The following NFIB variants were observed in gnomAD, a reference collection of about 807,000 sequenced individuals.
NFIB encodes the protein nuclear factor 1 B-type.
In NFIB, 11 loss-of-function variants were observed where a neutral mutation model predicts 61.5. The observed-to-expected ratio is 0.18, with a 90% CI of 0.11 to 0.30. The LOEUF (loss-of-function observed/expected upper bound fraction) is 0.30. Ranked by LOEUF, NFIB falls within the 10% of genes least tolerant of loss-of-function variation. NFIB has a pLI of 1.00. For synonymous variants in NFIB, 260 were observed against 216.5 expected (o/e 1.20, Z -1.76); for missense variants, 471 against 608.9 (o/e 0.77, Z 2.38).
the NFIB span, among the ~76,000 whole-genome samples, chr9:14,422,218 G>A: frequency 6.6e-6 from 1 of 152,312 alleles, no homozygotes; most frequent in East Asian, 1.9e-4. Context: ...GTCTCAGACT[G>A]TCAGATCCTT....
At chr9:14,192,268 A>G (rs898195034) in intron 2 of NFIB, among the ~76,000 whole-genome samples, 2 of 152,236 alleles carry the variant, frequency 1.3e-5, no homozygotes, top group African/African-American at 4.8e-5. Context: ...GCCATGACAG[A>G]AATGTATAAA....
At chr9:14,482,891 G>T in the NFIB span, among the ~76,000 whole-genome samples, 1 of 152,106 alleles carries the variant, frequency 6.6e-6, no homozygotes, top group Non-Finnish European at 1.5e-5. Flanking sequence ...CAAAATAAAG[G>T]ACTTTTTATT....
chr9:14,280,736 C>G lies in NFIB; in HGVS notation c.562+26253G>C, dbSNP rs980048444. 2.0e-5 allele frequency among the ~76,000 whole-genome samples: 3 copies of G among 152,078 alleles called. No individual in the cohort carries two copies. In the East Asian group the frequency reaches 5.8e-4, roughly 29 times the overall value. ...GGTGTCTGTGGTTCCTTGGAGGATG[C>G]ACCTATTTTGTAAATAATGAAATTT... On this transcript the variant is annotated intron_variant, in intron 2 of 10. Transcript: ENST00000380953.
rs541331905 is a variant in NFIB at position 14,374,910 on chromosome 9, AAAAT to A, written c.108+23610_108+23613del. On this transcript the variant is annotated intron_variant, in intron 1 of 8. Transcript: ENST00000380934. ...GGGCAACAGAGCTAGACTCTGTCTC[AAAAT>A]AAATAAATAAATAAATAAATAAAGG... Among the ~76,000 whole-genome samples, 723 of 152,080 alleles carry A rather than the reference AAAAT, an allele frequency of 4.8e-3. 6 individuals carry two copies. The highest frequency in any genetic ancestry group is 0.016 in the African/African-American group (655 of 41,512).
the NFIB span, among the ~76,000 whole-genome samples, chr9:14,442,157 G>A: frequency 1.8e-4 from 28 of 152,102 alleles, no homozygotes; most frequent in Non-Finnish European, 3.8e-4. Context: ...CTAACTCTGG[G>A]TCCACCTCGC....
At chr9:14,429,203 C>T in the NFIB span, among the ~76,000 whole-genome samples, 5 of 152,132 alleles carry the variant, frequency 3.3e-5, no homozygotes, top group African/African-American at 1.2e-4. Context: ...GTACAAAGAA[C>T]ATAGAACAAA....
chr9:14,481,201 A>ATATATATATATATATATG, the NFIB span, among the ~76,000 whole-genome samples: 4 of 41,090 alleles, frequency 9.7e-5, 1 homozygote, highest in African/African-American at 3.0e-4. Context: ...GTGTGTGTAT[A>ATATATATATATATATATG]TATATATATA....
At chr9:14,162,639 A>G (rs1001833508) in intron 3 of NFIB, among the ~76,000 whole-genome samples, 1 of 152,112 alleles carries the variant, frequency 6.6e-6, no homozygotes, top group Non-Finnish European at 1.5e-5. Context: ...CTGGAACAAA[A>G]CAAAATATTA....
chr9:14,198,004 T>C lies in NFIB; in HGVS notation c.563-18224A>G, dbSNP rs149922991. Among the ~76,000 whole-genome samples, 134 of 152,276 alleles carry C rather than the reference T, an allele frequency of 8.8e-4. No individual in the cohort carries two copies. In the Middle Eastern group the frequency reaches 0.017, roughly 19 times the overall value. On this transcript the variant is annotated intron_variant, in intron 2 of 10. Transcript: ENST00000380953. ...GCCAAAAGGGAATGTTGGGGCTACG[T>C]TGAACTTTCCTGGAGTCTACAGACA...
At chr9:14,115,399 C>T (rs2037973941) in intron 9 of NFIB, among the ~76,000 whole-genome samples, 1 of 152,082 alleles carries the variant, frequency 6.6e-6, no homozygotes, top group Non-Finnish European at 1.5e-5. Context: ...TTGTACATTC[C>T]AGCTCCAGTA....
At chr9:14,161,435 C>G (rs73411959) in intron 3 of NFIB, among the ~76,000 whole-genome samples, 1,549 of 152,018 alleles carry the variant, frequency 0.01, 23 homozygotes, top group African/African-American at 0.032. Context: ...AATTTCCCAA[C>G]TTTAACACGC....
chr9:14,093,011 G>C (rs1438329197), intron 10 of NFIB, among the ~76,000 whole-genome samples: 1 of 152,004 alleles, frequency 6.6e-6, no homozygotes, highest in Admixed American at 6.6e-5. Context: ...CATTATGGGA[G>C]TGTGTCTTCT....
chr9:14,103,249 C>T (rs1368651395), intron 10 of NFIB, among the ~76,000 whole-genome samples: 1 of 151,592 alleles, frequency 6.6e-6, no homozygotes, highest in Non-Finnish European at 1.5e-5. Flanking sequence ...CTATCCAGCT[C>T]TGCTTGGTTA....
chr9:14,197,350 G>C (rs1233910228), intron 2 of NFIB, among the ~76,000 whole-genome samples: 4 of 110,174 alleles, frequency 3.6e-5, no homozygotes, highest in African/African-American at 1.1e-4. Context: ...CAATGAATCT[G>C]ATAGGATGTC....
At chr9:14,371,447 G>T (rs754967974) in intron 1 of NFIB, among the ~76,000 whole-genome samples, 11 of 152,152 alleles carry the variant, frequency 7.2e-5, no homozygotes, top group Non-Finnish European at 1.6e-4. Flanking sequence ...GGAGTCAGGG[G>T]CTATAGGATC....
At chr9:14,200,500 T>A (rs766314521) in intron 2 of NFIB, among the ~76,000 whole-genome samples, 1 of 152,222 alleles carries the variant, frequency 6.6e-6, no homozygotes, top group Non-Finnish European at 1.5e-5. Context: ...AGTCTAAGTA[T>A]GTGTTTCAGC....
upstream of NFIB, among the ~76,000 whole-genome samples, chr9:14,315,705 G>A (rs1249397537): frequency 1.3e-5 from 2 of 151,478 alleles, no homozygotes; most frequent in East Asian, 3.9e-4. Flanking sequence ...GGATTTTGAA[G>A]AAGGCGGTTC....
At chr9:14,221,355 T>A (rs79795498) in intron 2 of NFIB, among the ~76,000 whole-genome samples, 3 of 152,184 alleles carry the variant, frequency 2.0e-5, no homozygotes, top group Non-Finnish European at 4.4e-5. Flanking sequence ...AAGAACTCTA[T>A]AAGGTATAAA....
At chr9:14,341,709 T>A (rs966350617) in intron 1 of NFIB, among the ~76,000 whole-genome samples, 6 of 152,188 alleles carry the variant, frequency 3.9e-5, no homozygotes, top group Admixed American at 2.0e-4. Context: ...TTTTTATGTG[T>A]TCACTCTCCC....
Sources: gnomAD v4.1 joint callset for allele counts (sites outside exome capture counted in the v4.1 genomes callset) on GRCh38, gnomAD v4.1.1 for gene constraint, MANE v1.5 for transcripts, NCBI Gene and HGNC (gene_info 2026-07-23, HGNC 2026-07-21) for gene names.